Variants in STK32C observed in about 807,000 individuals in gnomAD.
STK32C encodes the protein serine/threonine kinase 32C, also known as serine/threonine-protein kinase 32C.
In STK32C, 31 loss-of-function variants were observed where a neutral mutation model predicts 56.5. The observed-to-expected ratio is 0.55, with a 90% CI of 0.41 to 0.74. STK32C has a LOEUF of 0.74. Among genes scored for constraint, STK32C ranks in the 30% least tolerant of loss-of-function variants. The pLI, the probability that STK32C is intolerant of heterozygous loss-of-function variation, is 0.00. For missense variants in STK32C, 544 were observed against 676.9 expected, an observed-to-expected ratio of 0.80 and a Z score of 2.18; for synonymous variants, 309 against 289.4, an observed-to-expected ratio of 1.07 and a Z score of -0.69.
Position 132,216,395 on chromosome 10 carries a change from C to A in STK32C, c.1251+6246G>T, listed in dbSNP as rs188378096. Among the ~76,000 whole-genome samples the A allele has an allele frequency of 3.4e-5, 5 of 147,614 alleles. No homozygotes were observed. The East Asian group carries it at 1.0e-3, about 30-fold the overall frequency. On this transcript the variant is annotated intron_variant, in intron 10 of 11. Transcript: ENST00000298630. Reference sequence around the variant, plus strand: ...AGGAGAATCACTTGAACTTAGGAAGCGGAGGTTGCAGTGGCAATGAGCCGC... The same window carrying A: ...AGGAGAATCACTTGAACTTAGGAAGAGGAGGTTGCAGTGGCAATGAGCCGC...
At chr10:132,315,706 C>T (rs1393609535) in intron 1 of STK32C, among the ~76,000 whole-genome samples, 1 of 152,206 alleles carries the variant, frequency 6.6e-6, no homozygotes, top group South Asian at 2.1e-4. Context: ...GGGCAACACT[C>T]TTAAGCAAGT....
Position 132,228,019 on chromosome 10 carries a change from T to C in STK32C, c.428A>G (p.Glu143Gly). The C allele has an allele frequency of 3.7e-6, 6 of 1,613,888 alleles. No individual in the cohort carries two copies. Among genetic ancestry groups the C allele is most frequent in the Non-Finnish European group, 4.2e-6 (5 of 1,180,028 alleles). Reference protein sequence around the residue: ...DEVRNVFRELEILQEIEHVFL... With the variant: ...DEVRNVFRELGILQEIEHVFL... Reference sequence around the variant, plus strand: ...GACGTGCTCGATCTCCTGCAGGATCTCCAGCTCCCGGAAGACGTTGCGGAC... The same window carrying C: ...GACGTGCTCGATCTCCTGCAGGATCCCCAGCTCCCGGAAGACGTTGCGGAC... Residue 143 changes from glutamate (E) to glycine (G), a missense_variant, in exon 3 of 12, where the codon GAG (glutamate) becomes GGG (glycine). Physicochemically the swap from Glu to Gly is moderately conservative, Grantham distance 98. Around this residue, in one of 3 missense-constraint regions of STK32C, gnomAD observed 182 missense variants for 217.7 expected, o/e 0.84. Coordinates refer to ENST00000298630, the MANE Select transcript of STK32C (RefSeq NM_173575.4).
At chr10:132,217,404 C>T (rs1478031579) in intron 10 of STK32C, among the ~76,000 whole-genome samples, 3 of 152,174 alleles carry the variant, frequency 2.0e-5, no homozygotes, top group Non-Finnish European at 2.9e-5. Flanking sequence ...TTTGATTTTA[C>T]AGACTCATAG....
At chr10:132,230,438 G>A (rs989753353) in intron 2 of STK32C, among the ~76,000 whole-genome samples, 5 of 152,216 alleles carry the variant, frequency 3.3e-5, no homozygotes, top group African/African-American at 1.2e-4. Context: ...CAGAAGCAAC[G>A]GTGCTTTCCT....
intron 1 of STK32C, among the ~76,000 whole-genome samples, chr10:132,280,608 T>TGTGACCACGCCCCTGCACTCC (rs2065159537): frequency 1.5e-5 from 1 of 68,574 alleles, no homozygotes; most frequent in South Asian, 5.4e-4. Flanking sequence ...CACTCCACTC[T>TGTGACCACGCCCCTGCACTCC]GTGACCACGC....
At position 132,227,967 on chromosome 10, in the gene STK32C, GC is replaced by G; in HGVS notation, c.470+9del. On this transcript the variant is annotated intron_variant, in intron 3 of 11. Transcript: ENST00000298630. ...TAAGTCTTTCTGCAGCGAGGCCATGGCAGGCTCACCAGAGGTTCACCAGGAA... is the reference window on the plus strand; with the variant it reads ...TAAGTCTTTCTGCAGCGAGGCCATGGAGGCTCACCAGAGGTTCACCAGGAA... 6.2e-7 allele frequency: 1 copy of G among 1,612,352 alleles called. No homozygotes were observed. Among genetic ancestry groups the G allele is most frequent in the Non-Finnish European group, 8.5e-7 (1 of 1,179,778 alleles).
At chr10:132,267,670 GGT>G (rs1171408190) in intron 1 of STK32C, among the ~76,000 whole-genome samples, 1 of 117,472 alleles carries the variant, frequency 8.5e-6, no homozygotes, top group African/African-American at 3.6e-5. Context: ...TGTGTGTGTC[GGT>G]GTGTGTGCAT....
chr10:132,230,682 G>GGGGGT (rs1554977811), intron 2 of STK32C, among the ~76,000 whole-genome samples: 2 of 139,358 alleles, frequency 1.4e-5, no homozygotes, highest in Non-Finnish European at 3.2e-5. Flanking sequence ...AAGCTGGCGG[G>GGGGGT]GGGGGGGGGG....
intron 10 of STK32C, among the ~76,000 whole-genome samples, chr10:132,219,000 C>A (rs555343846): frequency 4.6e-5 from 7 of 152,252 alleles, no homozygotes; most frequent in Admixed American, 3.3e-4. Context: ...CAACAGGCAA[C>A]CCTACAGAGA....
chr10:132,307,540 G>T lies in STK32C; in HGVS notation c.262+32C>A. 1 of 1,532,536 alleles carries T rather than the reference G, an allele frequency of 6.5e-7. No individual in the cohort carries two copies. Among genetic ancestry groups the T allele is most frequent in the Non-Finnish European group, 8.8e-7 (1 of 1,141,602 alleles). The allele number at this position is 1,532,536 out of a possible 1,614,324, so 94.9% of individuals were successfully genotyped here. On this transcript the variant is annotated intron_variant, in intron 1 of 11. Transcript: ENST00000298630. The surrounding 1 kb of genome is among the most constrained non-coding windows in gnomAD (Gnocchi z 4.4). ...CGCGCCCGCCCCTGCAATAGCGCGC[G>T]GCCCCCACGTCGTCCCCGTGCCCGC...
chr10:132,263,738 C>G (rs1274512508), intron 1 of STK32C, among the ~76,000 whole-genome samples: 3 of 150,880 alleles, frequency 2.0e-5, no homozygotes, highest in Admixed American at 1.3e-4. Flanking sequence ...TGGTGGTGGA[C>G]GCCTGTAATC....
intron 2 of STK32C, among the ~76,000 whole-genome samples, chr10:132,240,593 C>T (rs935835350): frequency 6.6e-6 from 1 of 152,144 alleles, no homozygotes; most frequent in Non-Finnish European, 1.5e-5. Context: ...CAAGGACAGG[C>T]GGTTCCTCGG....
intron 1 of STK32C, among the ~76,000 whole-genome samples, chr10:132,283,248 GCA>G (rs762635102): frequency 8.5e-5 from 13 of 152,368 alleles, no homozygotes; most frequent in Non-Finnish European, 4.4e-5. Flanking sequence ...AACGTTTTCA[GCA>G]CAGAGCAACA....
intron 1 of STK32C, among the ~76,000 whole-genome samples, chr10:132,252,902 G>A (rs1297056557): frequency 6.6e-6 from 1 of 152,306 alleles, no homozygotes; most frequent in East Asian, 1.9e-4. Context: ...TCTGGATTCT[G>A]CATCCACACA....
intron 1 of STK32C, among the ~76,000 whole-genome samples, chr10:132,316,040 A>G (rs1284565264): frequency 6.6e-6 from 1 of 152,246 alleles, no homozygotes; most frequent in Admixed American, 6.5e-5. Context: ...CTAGTTTTAA[A>G]TGCCTGTATG....
At chr10:132,273,889 A>C (rs892625951) in intron 1 of STK32C, among the ~76,000 whole-genome samples, 3 of 152,236 alleles carry the variant, frequency 2.0e-5, no homozygotes, top group Admixed American at 1.3e-4. Flanking sequence ...GTGAAAGATC[A>C]TAAGAGCCCA....
chr10:132,237,077 T>C (rs1240739567), intron 2 of STK32C, among the ~76,000 whole-genome samples: 2 of 152,178 alleles, frequency 1.3e-5, no homozygotes, highest in African/African-American at 4.8e-5. Flanking sequence ...GATCCCTTGG[T>C]CTCTGGCCAC....
Position 132,296,081 on chromosome 10 carries a change from A to G in STK32C, c.262+11491T>C, listed in dbSNP as rs575797629. 1.5e-4 allele frequency among the ~76,000 whole-genome samples: 23 copies of G among 148,496 alleles called. No individual in the cohort carries two copies. The East Asian group carries it at 3.7e-3, about 24-fold the overall frequency. ...AGCATCGGCAGGAAGGTGTGTGGAC[A>G]GCGTGTAATCTCGTATGACATCATG... On this transcript the variant is annotated intron_variant, in intron 1 of 11. Coordinates refer to ENST00000298630, the MANE Select transcript of STK32C (RefSeq NM_173575.4).
chr10:132,311,592 C>T (rs940438328), upstream of STK32C, among the ~76,000 whole-genome samples: 5 of 152,204 alleles, frequency 3.3e-5, no homozygotes, highest in African/African-American at 4.8e-5. This position sits in a 1 kb window ranked among gnomAD's most constrained non-coding sequence, Gnocchi z 4.4. Context: ...ACATGCAGGA[C>T]GGGCTGCAGC....
Sources: gnomAD v4.1 joint callset for allele counts (sites outside exome capture counted in the v4.1 genomes callset) on GRCh38, gnomAD v4.1.1 for gene constraint, gnomAD v4.1.1 regional missense constraint, Gnocchi (gnomAD v3.1) non-coding constraint, MANE v1.5 for transcripts, NCBI Gene and HGNC (gene_info 2026-07-23, HGNC 2026-07-21) for gene names.